Variants in MTIF2 observed in about 807,000 individuals in gnomAD.
MTIF2 encodes translation initiation factor IF-2, mitochondrial.
A neutral mutation model predicts 83.5 loss-of-function variants in MTIF2; 71 were observed. The observed-to-expected ratio is 0.85, with a 90% CI of 0.70 to 1.04. MTIF2 has a LOEUF of 1.04. MTIF2 is among the 50% of genes least tolerant of loss of function. MTIF2 has a pLI of 0.00. For synonymous variants in MTIF2, 319 were observed against 287.1 expected, an observed-to-expected ratio of 1.11 and a Z score of -1.12; for missense variants, 957 against 846.5, an observed-to-expected ratio of 1.13 and a Z score of -1.62.
intron 5 of MTIF2, among the ~76,000 whole-genome samples, chr2:55,259,782 A>G (rs920445566): frequency 2.0e-5 from 3 of 152,176 alleles, no homozygotes; most frequent in African/African-American, 7.2e-5. Context: ...TGTCTCTACT[A>G]AAAATACAAA....
At chr2:55,267,096 C>G (rs1037833943) in intron 3 of MTIF2, among the ~76,000 whole-genome samples, 5 of 149,838 alleles carry the variant, frequency 3.3e-5, no homozygotes, top group Admixed American at 2.0e-4. Context: ...ACCAATCTTC[C>G]CAAAGTGTAT....
rs538845488 is a variant in MTIF2 at position 55,250,426 on chromosome 2, A to AAAC, written c.842-893_842-892insGTT. Reference sequence around the variant, plus strand: ...CACTGGAGATAATCTCCAAAAAAAAAAAAAAAATCATGGGAAGATTCCAAT... The same window carrying AAAC: ...CACTGGAGATAATCTCCAAAAAAAAAAACAAAAAAATCATGGGAAGATTCCAAT... On this transcript the variant is annotated intron_variant, in intron 8 of 15. Transcript: ENST00000263629. 3.2e-4 allele frequency among the ~76,000 whole-genome samples: 49 copies of AAAC among 152,238 alleles called. 2 individuals are homozygous for AAAC. In the East Asian group the frequency reaches 9.1e-3, roughly 28 times the overall value.
chr2:55,259,374 A>G (rs981183001), intron 5 of MTIF2, among the ~76,000 whole-genome samples: 3 of 152,298 alleles, frequency 2.0e-5, no homozygotes, highest in Admixed American at 1.3e-4. Context: ...TTCATCATAG[A>G]CAATCAGTTT....
At chr2:55,254,542 A>G in intron 6 of MTIF2, 112 bp downstream of exon 6, 1 of 879,086 alleles carries the variant, frequency 1.1e-6, no homozygotes, top group Non-Finnish European at 1.7e-6. Flanking sequence ...AAGTTTATAC[A>G]CACATATCTT....
intron 5 of MTIF2, among the ~76,000 whole-genome samples, chr2:55,260,384 G>A (rs1307382087): frequency 1.5e-5 from 2 of 137,868 alleles, no homozygotes; most frequent in African/African-American, 5.4e-5. Flanking sequence ...TGGTTAACAA[G>A]AGTGAAACTC....
intron 1 of MTIF2, chr2:55,268,950 G>A (rs187761210): frequency 6.6e-6 from 1 of 152,186 alleles, no homozygotes; most frequent in Non-Finnish European, 1.5e-5. Context: ...CGCGCGAGGA[G>A]GGGAAGCCGG....
intron 5 of MTIF2, among the ~76,000 whole-genome samples, chr2:55,261,532 G>T (rs56384563): frequency 2.0e-5 from 3 of 151,512 alleles, no homozygotes; most frequent in African/African-American, 7.3e-5. Context: ...ACTTGAACCT[G>T]GGAGGCGGAG....
intron 5 of MTIF2, among the ~76,000 whole-genome samples, chr2:55,257,953 C>T (rs1677670838): frequency 6.6e-6 from 1 of 152,118 alleles, no homozygotes; most frequent in Non-Finnish European, 1.5e-5. Flanking sequence ...CCATACCCAG[C>T]TAATTTTTGT....
At chr2:55,257,352 G>A (rs1051352800) in intron 5 of MTIF2, among the ~76,000 whole-genome samples, 4 of 152,048 alleles carry the variant, frequency 2.6e-5, no homozygotes, top group East Asian at 3.9e-4. Flanking sequence ...ATGGTGGCAC[G>A]CACCTGTAAT....
chr2:55,241,766 C>A (rs979093978), intron 13 of MTIF2, among the ~76,000 whole-genome samples: 1 of 151,518 alleles, frequency 6.6e-6, no homozygotes, highest in Non-Finnish European at 1.5e-5. Context: ...TCGCTTGAAC[C>A]CAGGAGGGAG....
chr2:55,254,875 G>A (rs1677393493), intron 5 of MTIF2, 50 bp from the exon 6 acceptor site: 3 of 1,169,358 alleles, frequency 2.6e-6, no homozygotes, highest in Non-Finnish European at 1.2e-6. Context: ...AAATGCTCAA[G>A]AAGTAATCTC....
chr2:55,243,957 G>A, intron 11 of MTIF2, 72 bp downstream of exon 11: 2 of 1,229,898 alleles, frequency 1.6e-6, no homozygotes, highest in Non-Finnish European at 2.3e-6. Context: ...ACACATATTT[G>A]GTATAACATT....
chr2:55,242,918 CAAG>C lies in MTIF2; in HGVS notation c.1705+19_1705+21del. On this transcript the variant is annotated intron_variant, in intron 13 of 15. Transcript: ENST00000263629. ...GTGTTATTTGGGGAACACAGATTAACAAGAAGAAATGGAATCCTTACCATCAAA... is the reference window on the plus strand; with the variant it reads ...GTGTTATTTGGGGAACACAGATTAACAAGAAATGGAATCCTTACCATCAAA... 6.3e-7 allele frequency: 1 copy of C among 1,595,430 alleles called. No individual in the cohort carries two copies. The highest frequency in any genetic ancestry group is 1.1e-5 in the South Asian group (1 of 87,820).
In MTIF2 at chr2:55,261,256, C is replaced by T. The variant is rs1016843700; in HGVS notation, c.331+1060G>A. 6.6e-5 allele frequency among the ~76,000 whole-genome samples: 10 copies of T among 152,246 alleles called. No individual in the cohort carries two copies. The South Asian group carries it at 2.1e-3, about 32-fold the overall frequency. On this transcript the variant is annotated intron_variant, in intron 5 of 15. Transcript: ENST00000263629. ...AAAGTGTTGGAATTACAGGCGTGAG[C>T]CACCGTGCCTGGCTACTACCAGTAT...
intron 7 of MTIF2, among the ~76,000 whole-genome samples, chr2:55,253,298 C>T (rs1347583147): frequency 6.6e-6 from 1 of 152,094 alleles, no homozygotes; most frequent in Admixed American, 6.5e-5. Flanking sequence ...ATTATCACAA[C>T]CTAGCAAAGG....
At chr2:55,239,142 G>A (rs897425445) in intron 14 of MTIF2, among the ~76,000 whole-genome samples, 1 of 152,126 alleles carries the variant, frequency 6.6e-6, no homozygotes, top group Non-Finnish European at 1.5e-5. Flanking sequence ...CTGGACTGGG[G>A]AAAAAAAGTA....
intron 8 of MTIF2, among the ~76,000 whole-genome samples, chr2:55,251,331 T>C (rs1158335421): frequency 1.3e-5 from 2 of 152,002 alleles, no homozygotes; most frequent in Non-Finnish European, 2.9e-5. Context: ...ACAAAGGCAG[T>C]TTTGAGGAAT....
intron 8 of MTIF2, among the ~76,000 whole-genome samples, 175 bp from the exon 9 acceptor site, chr2:55,249,709 C>A (rs561165931): frequency 6.6e-6 from 1 of 152,128 alleles, no homozygotes; most frequent in Non-Finnish European, 1.5e-5. Context: ...CTGCGCTCTA[C>A]ATATAGAGAA....
intron 3 of MTIF2, among the ~76,000 whole-genome samples, chr2:55,267,140 G>GAC (rs1194403128): frequency 1.3e-5 from 2 of 151,804 alleles, no homozygotes; most frequent in African/African-American, 2.4e-5. Context: ...GTATGGTTCT[G>GAC]ACATGGTAAA....
Sources: allele counts gnomAD v4.1 joint callset (sites outside exome capture counted in the v4.1 genomes callset), GRCh38; gene constraint gnomAD v4.1.1; transcripts MANE v1.5; gene names NCBI Gene and HGNC (gene_info 2026-07-23, HGNC 2026-07-21).